Variants in MED26 observed in about 807,000 individuals in gnomAD.
MED26 encodes mediator complex subunit 26.
MED26 carries 7 observed loss-of-function variants against 43.7 expected under a neutral mutation model. The ratio of observed to expected loss-of-function variants is 0.16; its 90% CI spans 0.09 to 0.30. The LOEUF (loss-of-function observed/expected upper bound fraction) is 0.30, where lower values mean the gene tolerates loss of function less well. Among genes scored for constraint, MED26 ranks in the 10% least tolerant of loss-of-function variants. The pLI, the probability that MED26 is intolerant of heterozygous loss-of-function variation, is 1.00. For synonymous variants in MED26, 375 were observed against 371.1 expected (o/e 1.01, Z -0.12); for missense variants, 784 against 840.6 (o/e 0.93, Z 0.83).
At chr19:16,606,025 C>A (rs745973135) in intron 1 of MED26, among the ~76,000 whole-genome samples, 1 of 152,196 alleles carries the variant, frequency 6.6e-6, no homozygotes, top group Non-Finnish European at 1.5e-5. Flanking sequence ...TGAGGCCTGG[C>A]AAGGGATAGA....
rs1304710239 is a variant in MED26, at chr19:16,578,368, C to G, written c.114G>C (p.Leu38=). 3 of 1,614,114 alleles carry G rather than the reference C, an allele frequency of 1.9e-6. No individual in the cohort carries two copies. The highest frequency in any genetic ancestry group is 2.5e-6 in the Non-Finnish European group (3 of 1,179,992). Residue 38 remains leucine, a synonymous_variant, in exon 2 of 3, where the codon CTG becomes CTC. Coordinates refer to ENST00000263390, the MANE Select transcript of MED26 (RefSeq NM_004831.5). ...CCTCTTTGGTAATAGGGTATTTCTC[C>G]AGGCTGGAGATGACTTCCAGCACCG... The part of the protein sequence containing the change: ...MVAVLEVISS[L]EKYPITKEAL...
chr19:16,606,507 C>T (rs2086173951), intron 1 of MED26, among the ~76,000 whole-genome samples: 1 of 152,064 alleles, frequency 6.6e-6, no homozygotes, highest in Non-Finnish European at 1.5e-5. Flanking sequence ...CAAGATCATG[C>T]CAATGCACTC....
intron 1 of MED26, among the ~76,000 whole-genome samples, chr19:16,618,738 C>T (rs978095293): frequency 6.6e-6 from 1 of 152,224 alleles, no homozygotes; most frequent in African/African-American, 2.4e-5. Flanking sequence ...CTGGGAACAT[C>T]CCCTCTATTG....
At position 16,576,004 on chromosome 19, in the gene MED26, G is replaced by A; in HGVS notation, c.*23C>T. On this transcript the variant is annotated 3_prime_UTR_variant, in exon 3 of 3. Coordinates refer to ENST00000263390, the MANE Select transcript of MED26 (RefSeq NM_004831.5). This position sits in a 1 kb window ranked among gnomAD's most constrained non-coding sequence, Gnocchi z 6.8. The stretch of plus-strand genomic sequence containing the variant: ...CACCCGGCTTCTGCAAGATGGGAAT[G>A]CACTTTGTGGCTGACAGGCCGGTCA... 1 of 1,593,422 alleles carries A rather than the reference G, an allele frequency of 6.3e-7. No individual in the cohort carries two copies. Among genetic ancestry groups the A allele is most frequent in the South Asian group, 1.1e-5 (1 of 89,418 alleles).
chr19:16,577,457 G>A lies in MED26; in HGVS notation c.373C>T (p.His125Tyr). ...VGAAGPPRSI[H>Y]DLKSRNDLQR... ...AGGTCATTGCGGCTCTTCAGGTCAT[G>A]GATGCTCCTGGGTGGGCCAGCCGCC... is the stretch of plus-strand genomic sequence containing the variant. The change falls in exon 3 of 3, where the codon CAT becomes TAT. Residue 125 changes from histidine (H) to tyrosine (Y), a missense_variant. Around this residue, in one of 3 missense-constraint regions of MED26, gnomAD observed 719 missense variants for 730.9 expected, o/e 0.98. Transcript: ENST00000263390. This position sits in a 1 kb window ranked among gnomAD's most constrained non-coding sequence, Gnocchi z 8.1. 2 of 1,592,228 alleles carry A rather than the reference G, an allele frequency of 1.3e-6. No homozygotes were observed. Among genetic ancestry groups the A allele is most frequent in the Admixed American group, 1.7e-5 (1 of 59,222 alleles).
chr19:16,619,876 T>C (rs1446417452), intron 1 of MED26, among the ~76,000 whole-genome samples: 3 of 152,196 alleles, frequency 2.0e-5, no homozygotes, highest in East Asian at 1.9e-4. Flanking sequence ...TTTCTCACCA[T>C]AGCAAATGAA....
Position 16,628,107 on chromosome 19 carries a change from G to T in MED26, c.-164C>A. On this transcript the variant is annotated 5_prime_UTR_variant, in exon 1 of 3. Transcript: ENST00000263390. The stretch of plus-strand genomic sequence containing the variant: ...GGTGGCGGAGAGGGGAGCCGGGGCC[G>T]GGTCTCGGTCCCGGGCCGCCGCCGC... 2.6e-6 allele frequency: 1 copy of T among 384,472 alleles called. No homozygotes were observed. Among genetic ancestry groups the T allele is most frequent in the Non-Finnish European group, 4.6e-6 (1 of 219,230 alleles). The allele number at this position is 384,472 out of a possible 1,614,324, so 23.8% of individuals were successfully genotyped here.
chr19:16,621,225 C>T (rs180845743), intron 1 of MED26, among the ~76,000 whole-genome samples: 81 of 152,322 alleles, frequency 5.3e-4, no homozygotes, highest in African/African-American at 1.9e-3. Context: ...CCCTTGTCTG[C>T]AATACCAGAC....
rs1157896849 is a variant in MED26, at chr19:16,628,066, G to A, written c.-123C>T. On this transcript the variant is annotated 5_prime_UTR_variant, in exon 1 of 3. Coordinates refer to ENST00000263390, the MANE Select transcript of MED26 (RefSeq NM_004831.5). ...CCGCATGTTCCCCGCGGCGCCGGGG[G>A]GTTGGGGGCGCGCGGGGTGGCGGAG... The A allele has an allele frequency of 1.0e-5, 5 of 485,562 alleles. No individual in the cohort carries two copies. The highest frequency in any genetic ancestry group is 2.0e-5 in the African/African-American group (1 of 49,528). The allele number at this position is 485,562 out of a possible 1,614,324, so 30.1% of individuals were successfully genotyped here. A position where few individuals can be genotyped will look rare whatever the true frequency, so the allele number is the denominator to read the frequency against.
At chr19:16,611,659 T>C (rs943493973) in intron 1 of MED26, 1 of 152,170 alleles carries the variant, frequency 6.6e-6, no homozygotes, top group Admixed American at 6.5e-5. Flanking sequence ...ATCCAGCCTA[T>C]CCAGATGCCT....
At chr19:16,595,634 C>T (rs2086116788) in intron 1 of MED26, among the ~76,000 whole-genome samples, 1 of 152,194 alleles carries the variant, frequency 6.6e-6, no homozygotes, top group Non-Finnish European at 1.5e-5. Context: ...GTGGAGCCAA[C>T]TCACACCCTT....
At chr19:16,598,919 T>TA (rs142001834) in intron 1 of MED26, among the ~76,000 whole-genome samples, 6,480 of 151,842 alleles carry the variant, frequency 0.043, 317 homozygotes, top group East Asian at 0.17. Context: ...ACAAAAGTAA[T>TA]AAAAAAAACA....
Position 16,586,818 on chromosome 19 carries a change from T to C in MED26, c.73-8409A>G, listed in dbSNP as rs2086072830. 6.6e-6 allele frequency: 1 copy of C among 151,674 alleles called. No homozygotes were observed. The highest frequency in any genetic ancestry group is 2.4e-5 in the African/African-American group (1 of 41,206). 9.4% of individuals were successfully genotyped at this position (151,674 alleles called of 1,614,324 possible). ...GTGCCCCACAGCCCACATAACCTGC[T>C]CCTTGGGCTCAAAACAGCCCCTGCT... is the stretch of plus-strand genomic sequence containing the variant. On this transcript the variant is annotated intron_variant, in intron 1 of 2. Transcript: ENST00000263390. The surrounding 1 kb of genome is among the most constrained non-coding windows in gnomAD (Gnocchi z 5.1).
At chr19:16,594,260 C>A (rs966762192) in intron 1 of MED26, among the ~76,000 whole-genome samples, 8 of 152,190 alleles carry the variant, frequency 5.3e-5, no homozygotes, top group African/African-American at 1.9e-4. Context: ...CACTTGCCGC[C>A]GAGAGCCAAA....
At chr19:16,619,593 G>A (rs1321772672) in intron 1 of MED26, among the ~76,000 whole-genome samples, 3 of 152,168 alleles carry the variant, frequency 2.0e-5, no homozygotes, top group Non-Finnish European at 4.4e-5. Flanking sequence ...CGTGCTGAAG[G>A]CACAAGCAGG....
chr19:16,608,441 A>G (rs1453175755), intron 1 of MED26, among the ~76,000 whole-genome samples: 3 of 152,142 alleles, frequency 2.0e-5, no homozygotes, highest in Non-Finnish European at 4.4e-5. Flanking sequence ...CTCTTTCCCA[A>G]CCTCACATTC....
In MED26 at chr19:16,628,076, G is replaced by C. The variant is rs1347932259; in HGVS notation, c.-133C>G. ...CCCGCGGCGCCGGGGGGTTGGGGGC[G>C]CGCGGGGTGGCGGAGAGGGGAGCCG... On this transcript the variant is annotated 5_prime_UTR_variant, in exon 1 of 3. Transcript: ENST00000263390. The C allele has an allele frequency of 2.3e-6, 1 of 435,432 alleles. No homozygotes were observed. Among genetic ancestry groups the C allele is most frequent in the East Asian group, 3.7e-5 (1 of 26,802 alleles). 27.0% of individuals were successfully genotyped at this position (435,432 alleles called of 1,614,324 possible).
chr19:16,595,821 C>A (rs2086117668), intron 1 of MED26, among the ~76,000 whole-genome samples: 1 of 152,192 alleles, frequency 6.6e-6, no homozygotes, highest in Non-Finnish European at 1.5e-5. Flanking sequence ...TATCATAATT[C>A]CCTTAACCTT....
At chr19:16,616,419 C>G (rs961430075) in intron 1 of MED26, among the ~76,000 whole-genome samples, 3 of 152,176 alleles carry the variant, frequency 2.0e-5, no homozygotes, top group African/African-American at 7.2e-5. Context: ...CAGCCAGCAA[C>G]ACGACACCAC....
Sources: allele counts gnomAD v4.1 joint callset (sites outside exome capture counted in the v4.1 genomes callset), GRCh38; gene constraint gnomAD v4.1.1; regional missense constraint gnomAD v4.1.1; non-coding constraint Gnocchi (gnomAD v3.1); transcripts MANE v1.5; gene names NCBI Gene and HGNC (gene_info 2026-07-23, HGNC 2026-07-21).